RIN2: variants seen among roughly 807,000 people sequenced by gnomAD.
RIN2 encodes the protein Ras and Rab interactor 2.
In RIN2, 36 loss-of-function variants were observed where a neutral mutation model predicts 78.0. The observed-to-expected ratio is 0.46, with a 90% CI of 0.35 to 0.61. The LOEUF is 0.61. Ranked by LOEUF, RIN2 falls within the 20% of genes least tolerant of loss-of-function variation. The pLI, the probability that RIN2 is intolerant of heterozygous loss-of-function variation, is 0.00. For missense variants in RIN2, 1,087 were observed against 1,159.7 expected (o/e 0.94, Z 0.91); for synonymous variants, 466 against 466.8 (o/e 1.00, Z 0.02).
At chr20:19,973,987 A>G (rs923379397) in intron 8 of RIN2, among the ~76,000 whole-genome samples, 1 of 152,178 alleles carries the variant, frequency 6.6e-6, no homozygotes, top group African/African-American at 2.4e-5. Flanking sequence ...GAGGTTATAT[A>G]GGATTTGGGA....
chr20:19,977,700 C>T (rs2042323211), intron 9 of RIN2, among the ~76,000 whole-genome samples: 2 of 152,160 alleles, frequency 1.3e-5, no homozygotes, highest in Admixed American at 1.3e-4. Context: ...TGTTCTGCTG[C>T]TGCTGCTTGT....
At position 19,909,709 on chromosome 20, in the gene RIN2, C is replaced by T. The variant is rs181695446; in HGVS notation, c.57+20051C>T. Among the ~76,000 whole-genome samples, 126 of 152,306 alleles carry T rather than the reference C, an allele frequency of 8.3e-4. 2 individuals are homozygous for T. Among genetic ancestry groups the T allele is most frequent in the Middle Eastern group, 3.4e-3 (1 of 294 alleles). ...CTGAGATCCTGGTAGGTTACAGTCT[C>T]GCCGCACAGGTCCCATAGGTAGTAG... On this transcript the variant is annotated intron_variant, in intron 3 of 12. Coordinates refer to ENST00000255006, the MANE Select transcript of RIN2 (RefSeq NM_018993.4).
At chr20:19,943,496 AAGC>A (rs1453164327) in intron 4 of RIN2, among the ~76,000 whole-genome samples, 2 of 152,214 alleles carry the variant, frequency 1.3e-5, no homozygotes, top group Non-Finnish European at 2.9e-5. Flanking sequence ...CACCCTCAAA[AAGC>A]AGCAGCCCTT....
At chr20:19,986,039 G>A (rs199601) in intron 9 of RIN2, among the ~76,000 whole-genome samples, 111,036 of 152,098 alleles carry the variant, frequency 0.73, 40,742 homozygotes, top group East Asian at 0.81. Context: ...AGTTTAAAAG[G>A]TTTTGTTTTT....
chr20:19,951,308 T>C (rs987039324), intron 4 of RIN2, among the ~76,000 whole-genome samples: 1 of 152,202 alleles, frequency 6.6e-6, no homozygotes, highest in African/African-American at 2.4e-5. Flanking sequence ...TTCATAACAT[T>C]GACATTTTTG....
intron 3 of RIN2, among the ~76,000 whole-genome samples, chr20:19,920,023 A>G (rs150821607): frequency 0.03 from 4,555 of 152,198 alleles, 235 homozygotes; most frequent in African/African-American, 0.1. Context: ...GGCCGGGCGC[A>G]GTGGCTCACG....
chr20:19,779,975 C>A (rs2034442637), intron 1 of RIN2, among the ~76,000 whole-genome samples: 1 of 152,192 alleles, frequency 6.6e-6, no homozygotes, highest in Non-Finnish European at 1.5e-5. Context: ...CAATCATTTC[C>A]TTTCTGCTAG....
intron 2 of RIN2, among the ~76,000 whole-genome samples, chr20:19,850,197 T>G (rs1341423139): frequency 3.3e-5 from 5 of 152,156 alleles, no homozygotes; most frequent in African/African-American, 9.7e-5. Flanking sequence ...CAGACCTCCC[T>G]CCATACTTTT....
chr20:19,964,640 G>A lies in RIN2; in HGVS notation c.464-312G>A, dbSNP rs113359800. On this transcript the variant is annotated intron_variant, in intron 6 of 12. Coordinates refer to ENST00000255006, the MANE Select transcript of RIN2 (RefSeq NM_018993.4). ...GTGCTGATACAATCCAGACAGACTG[G>A]CCCCTTGTCCCCTGCCCTTTGTGTT... 8.0e-3 allele frequency among the ~76,000 whole-genome samples: 1,213 copies of A among 152,182 alleles called. 17 individuals carry two copies. The highest frequency in any genetic ancestry group is 0.027 in the African/African-American group (1,134 of 41,492).
chr20:19,790,747 T>C (rs2034863598), intron 1 of RIN2, among the ~76,000 whole-genome samples: 1 of 152,214 alleles, frequency 6.6e-6, no homozygotes, highest in Non-Finnish European at 1.5e-5. Flanking sequence ...ACCTTCTTTC[T>C]TAGTTCAAGC....
rs370746830 is a variant in RIN2 at position 19,838,785 on chromosome 20, C to T, written c.-37+39038C>T. Reference sequence around the variant, plus strand: ...GGCAAGTCTCTGCACACCTGCACTCCGGCGTCTATTTCTCTAGTGTGGGAA... The same window carrying T: ...GGCAAGTCTCTGCACACCTGCACTCTGGCGTCTATTTCTCTAGTGTGGGAA... On this transcript the variant is annotated intron_variant, in intron 2 of 12. Coordinates refer to ENST00000255006, the MANE Select transcript of RIN2 (RefSeq NM_018993.4). Among the ~76,000 whole-genome samples, 307 of 152,282 alleles carry T rather than the reference C, an allele frequency of 2.0e-3. 1 individual carries two copies. The highest frequency in any genetic ancestry group is 6.9e-3 in the African/African-American group (286 of 41,556).
intron 3 of RIN2, among the ~76,000 whole-genome samples, chr20:19,900,555 G>A (rs902263623): frequency 1.3e-4 from 19 of 151,462 alleles, no homozygotes; most frequent in African/African-American, 4.1e-4. Context: ...TTGGGAGGTC[G>A]AGGTGGGAGG....
chr20:19,877,768 C>T (rs2123414301), intron 2 of RIN2, among the ~76,000 whole-genome samples: 1 of 152,238 alleles, frequency 6.6e-6, no homozygotes, highest in Admixed American at 6.5e-5. Flanking sequence ...CCTATAATCT[C>T]AGCACTTTGG....
rs916731706 is a variant in RIN2, at chr20:19,996,775, A to G, written c.2297A>G (p.Asp766Gly). 2 of 1,612,596 alleles carry G rather than the reference A, an allele frequency of 1.2e-6. No individual in the cohort carries two copies. Among genetic ancestry groups the G allele is most frequent in the Admixed American group, 3.3e-5 (2 of 59,806 alleles). The change falls in exon 12 of 13, where the codon GAC (aspartate) becomes GGC (glycine). Residue 766 changes from aspartate (D) to glycine (G), a missense_variant. Physicochemically the swap from Asp to Gly is moderately conservative, Grantham distance 94. This residue lies in a region of RIN2 where 160 missense variants were observed against 179.4 expected (regional missense o/e 0.89). Coordinates refer to ENST00000255006, the MANE Select transcript of RIN2 (RefSeq NM_018993.4). ...CGACTGCTCAGCTCAGAAACCAGAG[A>G]CACCCTGAGGCAGTGGCACAAACGG... ...AARLLSSETR[D>G]TLRQWHKRRT...
At chr20:19,759,052 C>T (rs1475873596) in intron 1 of RIN2, among the ~76,000 whole-genome samples, 2 of 152,336 alleles carry the variant, frequency 1.3e-5, no homozygotes, top group East Asian at 3.9e-4. Flanking sequence ...CCCTTCTGGG[C>T]TTGGCCTCCA....
chr20:19,969,631 A>G (rs1419177194), intron 7 of RIN2, among the ~76,000 whole-genome samples: 2 of 152,286 alleles, frequency 1.3e-5, no homozygotes, highest in East Asian at 3.9e-4. Context: ...ATGGAGCTCC[A>G]TGCAGGCAGG....
At chr20:19,828,687 A>G (rs2036167436) in intron 2 of RIN2, among the ~76,000 whole-genome samples, 1 of 152,234 alleles carries the variant, frequency 6.6e-6, no homozygotes, top group African/African-American at 2.4e-5. Flanking sequence ...AAAGAAAAGA[A>G]AAAATATGTT....
In RIN2 at chr20:19,975,482, C is replaced by G. The variant is rs779348338; in HGVS notation, c.1457C>G (p.Ser486Cys). 12 of 1,613,944 alleles carry G rather than the reference C, an allele frequency of 7.4e-6. No homozygotes were observed. The highest frequency in any genetic ancestry group is 1.0e-5 in the Non-Finnish European group (12 of 1,179,908). Residue 486 changes from serine to cysteine, a missense_variant, in exon 9 of 13, where the codon TCC becomes TGC. Physicochemically the swap from Ser to Cys is moderately radical, Grantham distance 112. This residue lies in a region of RIN2 where 706 missense variants were observed against 667.5 expected (regional missense o/e 1.06). Transcript: ENST00000255006. The surrounding 1 kb of genome is among the most constrained non-coding windows in gnomAD (Gnocchi z 4.9). The stretch of plus-strand genomic sequence containing the variant: ...AAGTCCAAAAAGAAAAGGAGCAGCT[C>G]CTTCGTGCTGCCCAAGCTCGTCAAG... ...PIKSKKKRSS[S>C]FVLPKLVKSQ...
At chr20:19,841,606 C>A (rs978701513) in intron 2 of RIN2, among the ~76,000 whole-genome samples, 2 of 152,140 alleles carry the variant, frequency 1.3e-5, no homozygotes, top group African/African-American at 4.8e-5. Flanking sequence ...ACACTGAAAC[C>A]TGTGAGAGCA....
Sources: allele counts gnomAD v4.1 joint callset (sites outside exome capture counted in the v4.1 genomes callset), GRCh38; gene constraint gnomAD v4.1.1; regional missense constraint gnomAD v4.1.1; non-coding constraint Gnocchi (gnomAD v3.1); transcripts MANE v1.5; gene names NCBI Gene and HGNC (gene_info 2026-07-23, HGNC 2026-07-21).